Variants in PCYOX1L observed in about 807,000 individuals in gnomAD.
PCYOX1L encodes the protein prenylcysteine oxidase 1-like.
In PCYOX1L, 40 loss-of-function variants were observed where a neutral mutation model predicts 44.1. The ratio of observed to expected loss-of-function variants is 0.91; its 90% CI spans 0.70 to 1.18. The LOEUF is 1.18. Among genes scored for constraint, PCYOX1L ranks in the 50% most tolerant of loss-of-function variants. The pLI, the probability that PCYOX1L is intolerant of heterozygous loss-of-function variation, is 0.00. For synonymous variants in PCYOX1L, 266 were observed against 282.8 expected, an observed-to-expected ratio of 0.94 and a Z score of 0.60; for missense variants, 605 against 653.3, an observed-to-expected ratio of 0.93 and a Z score of 0.81.
In PCYOX1L at chr5:149,368,098, G is replaced by T; in HGVS notation, c.929G>T (p.Ser310Ile). ...IATPLHLDNSSSNLTFAGFHP... is the reference protein window; with the variant it reads ...IATPLHLDNSISNLTFAGFHP... The stretch of plus-strand genomic sequence containing the variant: ...ACCCCCCTGCACCTGGACAACAGCA[G>T]CAGCAACTTAACCTTTGCAGGCTTC... The change falls in exon 6 of 6, where the codon AGC becomes ATC. Residue 310 changes from serine (S) to isoleucine (I), a missense_variant. Coordinates refer to ENST00000274569, the MANE Select transcript of PCYOX1L (RefSeq NM_024028.4). The T allele has an allele frequency of 6.2e-7, 1 of 1,612,326 alleles. No homozygotes were observed. The highest frequency in any genetic ancestry group is 8.5e-7 in the Non-Finnish European group (1 of 1,179,034).
chr5:149,360,061 A>G (rs147937403), intron 1 of PCYOX1L, among the ~76,000 whole-genome samples: 71 of 152,344 alleles, frequency 4.7e-4, no homozygotes, highest in African/African-American at 1.6e-3. Flanking sequence ...TATTTCCCCA[A>G]GAAGGCTGTG....
intron 3 of PCYOX1L, 42 bp downstream of exon 3, chr5:149,364,252 C>CA: frequency 6.2e-7 from 1 of 1,607,490 alleles, no homozygotes; most frequent in African/African-American, 1.3e-5. Context: ...CCAGGGGAAC[C>CA]GAGAAGAGGT....
chr5:149,365,883 GC>G, intron 3 of PCYOX1L, 58 bp from the exon 4 acceptor site: 1 of 1,551,416 alleles, frequency 6.4e-7, no homozygotes, highest in Non-Finnish European at 8.9e-7. Context: ...TAACCCAGGG[GC>G]AGGTGGTCAG....
At chr5:149,366,728 A>G (rs1337810173) in intron 4 of PCYOX1L, among the ~76,000 whole-genome samples, 2 of 152,302 alleles carry the variant, frequency 1.3e-5, no homozygotes, top group East Asian at 3.9e-4. Flanking sequence ...TTACAATAAC[A>G]AGCACCTCCC....
At chr5:149,363,134 C>T (rs1758067963) in intron 2 of PCYOX1L, 2 of 524,568 alleles carry the variant, frequency 3.8e-6, no homozygotes, top group Non-Finnish European at 7.3e-6. Context: ...CATGCTAGTG[C>T]TTGCCAGGCA....
In PCYOX1L at chr5:149,366,069, G is replaced by A. The variant is rs775307182; in HGVS notation, c.598G>A (p.Val200Ile). The A allele has an allele frequency of 4.4e-5, 71 of 1,614,234 alleles. No individual in the cohort carries two copies. In the South Asian group the frequency reaches 5.7e-4, roughly 13 times the overall value. ...SVAESLLQVG[V>I]TQRFIDDVVS... The stretch of plus-strand genomic sequence containing the variant: ...GGCTGAGTCCCTGCTGCAGGTGGGC[G>A]TCACGCAGCGCTTTATTGATGATGT... Residue 200 changes from valine (V) to isoleucine (I), a missense_variant, in exon 4 of 6, where the codon GTC becomes ATC. Transcript: ENST00000274569.
At chr5:149,361,371 GA>G (rs996674813) in intron 1 of PCYOX1L, among the ~76,000 whole-genome samples, 1 of 151,842 alleles carries the variant, frequency 6.6e-6, no homozygotes, top group Non-Finnish European at 1.5e-5. Flanking sequence ...GATCCTGTTT[GA>G]AAAAAAACTG....
chr5:149,364,061 G>A lies in PCYOX1L; in HGVS notation c.321G>A (p.Val107=), dbSNP rs750379727. Residue 107 remains valine (V), a synonymous_variant, in exon 3 of 6, where the codon GTG becomes GTA. Coordinates refer to ENST00000274569, the MANE Select transcript of PCYOX1L (RefSeq NM_024028.4). The part of the protein sequence containing the change: ...LLGLRHRREV[V]GRSAIFGGEH... ...GGCTGAGGCACCGGCGCGAGGTGGT[G>A]GGCAGGAGCGCCATCTTCGGCGGGG... 2 of 1,614,064 alleles carry A rather than the reference G, an allele frequency of 1.2e-6. No individual in the cohort carries two copies. Among genetic ancestry groups the A allele is most frequent in the Non-Finnish European group, 1.7e-6 (2 of 1,179,948 alleles).
Position 149,367,363 on chromosome 5 carries a change from C to G in PCYOX1L, c.686C>G (p.Ala229Gly). The G allele has an allele frequency of 6.2e-7, 1 of 1,610,302 alleles. No individual in the cohort carries two copies. Among genetic ancestry groups the G allele is most frequent in the Non-Finnish European group, 8.5e-7 (1 of 1,178,638 alleles). The stretch of plus-strand genomic sequence containing the variant: ...ACCCACTTCCCGCTTTGCCCAGGAG[C>G]CATGTCACTAGCCGGGGCCCAAGGC... ...QSAAMPAFAG[A>G]MSLAGAQGSL... The change falls in exon 5 of 6, where the codon GCC becomes GGC. Residue 229 changes from alanine to glycine, a missense_variant. Ala to Gly is a moderately conservative substitution (Grantham distance 60, BLOSUM62 0). Coordinates refer to ENST00000274569, the MANE Select transcript of PCYOX1L (RefSeq NM_024028.4).
At chr5:149,367,863 C>A (rs1758271127) in intron 5 of PCYOX1L, 130 bp from the exon 6 acceptor site, 2 of 987,658 alleles carry the variant, frequency 2.0e-6, no homozygotes, top group African/African-American at 3.2e-5. Context: ...GAGGCCAGGA[C>A]CCACCATTTA....
intron 2 of PCYOX1L, 151 bp downstream of exon 2, chr5:149,362,994 A>G (rs1183550442): frequency 4.3e-6 from 4 of 929,056 alleles, no homozygotes; most frequent in Non-Finnish European, 5.1e-6. Flanking sequence ...AGAGAGGGGA[A>G]GGAACTTGCC....
chr5:149,363,612 A>G, intron 2 of PCYOX1L: 1 of 221,872 alleles, frequency 4.5e-6, no homozygotes, highest in Non-Finnish European at 9.1e-6. Context: ...GGGGGTGGGG[A>G]AGGAACAAGT....
In PCYOX1L at chr5:149,368,395, C is replaced by T. The variant is rs757635470; in HGVS notation, c.1226C>T (p.Thr409Ile). ...PKPLFRTQLKTLFRSYYSVQT... is the reference protein window; with the variant it reads ...PKPLFRTQLKILFRSYYSVQT... ...CCCCTCTTTCGGACCCAGCTAAAGA[C>T]CCTGTTCCGTTCCTATTACTCAGTG... Residue 409 changes from threonine (T) to isoleucine (I), a missense_variant, in exon 6 of 6, where the codon ACC (threonine) becomes ATC (isoleucine). Physicochemically the swap from Thr to Ile is moderately conservative, Grantham distance 89. Transcript: ENST00000274569. The T allele has an allele frequency of 6.2e-7, 1 of 1,614,178 alleles. No homozygotes were observed. The highest frequency in any genetic ancestry group is 1.1e-5 in the South Asian group (1 of 91,078).
At position 149,362,811 on chromosome 5, in the gene PCYOX1L, G is replaced by C. The variant is rs1359739704; in HGVS notation, c.263G>C (p.Ser88Thr). The C allele has an allele frequency of 6.2e-7, 1 of 1,613,966 alleles. No homozygotes were observed. The highest frequency in any genetic ancestry group is 1.1e-5 in the South Asian group (1 of 91,086). ...GGGGCTGCCTCCTTCCACTCCCTGA[G>C]CCTGCACATGCAGGACTTCGTCAAG... is the stretch of plus-strand genomic sequence containing the variant. ...ESGAASFHSL[S>T]LHMQDFVKLL... The change falls in exon 2 of 6, where the codon AGC (serine) becomes ACC (threonine). Residue 88 changes from serine (S) to threonine (T), a missense_variant. By Grantham distance (58) the Ser-to-Thr change is moderately conservative. Transcript: ENST00000274569.
Position 149,362,800 on chromosome 5 carries a change from C to G in PCYOX1L, c.252C>G (p.Phe84Leu), listed in dbSNP as rs1413965868. The G allele has an allele frequency of 6.2e-7, 1 of 1,614,142 alleles. No individual in the cohort carries two copies. The highest frequency in any genetic ancestry group is 8.5e-7 in the Non-Finnish European group (1 of 1,180,048). Residue 84 changes from phenylalanine (F) to leucine (L), a missense_variant, in exon 2 of 6, where the codon TTC becomes TTG. Transcript: ENST00000274569. ...KQHYESGAAS[F>L]HSLSLHMQDF... is the part of the protein sequence containing the mutation. ...ACTATGAGAGCGGGGCTGCCTCCTT[C>G]CACTCCCTGAGCCTGCACATGCAGG... is the stretch of plus-strand genomic sequence containing the variant.
Position 149,366,086 on chromosome 5 carries a change from T to A in PCYOX1L, c.615T>A (p.Ile205=). The stretch of plus-strand genomic sequence containing the variant: ...AGGTGGGCGTCACGCAGCGCTTTAT[T>A]GATGATGTCGTTTCTGCTGTCCTGC... ...LLQVGVTQRF[I]DDVVSAVLRA... is the part of the protein sequence containing the mutation. Residue 205 remains isoleucine, a synonymous_variant, in exon 4 of 6, where the codon ATT becomes ATA. Transcript: ENST00000274569. 1 of 1,614,188 alleles carries A rather than the reference T, an allele frequency of 6.2e-7. No homozygotes were observed. Among genetic ancestry groups the A allele is most frequent in the Non-Finnish European group, 8.5e-7 (1 of 1,180,046 alleles).
chr5:149,367,428 T>TC lies in PCYOX1L; in HGVS notation c.753dup (p.Gly252ArgfsTer34), dbSNP rs751855957. On this transcript the variant is annotated frameshift_variant, in exon 5 of 6. Coordinates refer to ENST00000274569, the MANE Select transcript of PCYOX1L (RefSeq NM_024028.4). LOFTEE classifies it high-confidence loss of function. The stretch of plus-strand genomic sequence containing the variant: ...GGAAGGAGGCAATAAGCTGGTTTGT[T>TC]CCGGTTTGCTGAAGCTCACCAAGGC... 10 of 1,613,816 alleles carry TC rather than the reference T, an allele frequency of 6.2e-6. No individual in the cohort carries two copies. The highest frequency in any genetic ancestry group is 8.5e-6 in the Non-Finnish European group (10 of 1,179,912).
Position 149,364,037 on chromosome 5 carries a change from G to T in PCYOX1L, c.297G>T (p.Gly99=), listed in dbSNP as rs1429445224. The T allele has an allele frequency of 6.2e-7, 1 of 1,613,822 alleles. No individual in the cohort carries two copies. The highest frequency in any genetic ancestry group is 1.7e-5 in the Admixed American group (1 of 60,028). The change falls in exon 3 of 6, where the codon GGG becomes GGT. Residue 99 remains glycine (G), a splice_region_variant and synonymous_variant. Transcript: ENST00000274569. ...AGGGGCTCCTCTTTGTCTCTGCAGG[G>T]CTGAGGCACCGGCGCGAGGTGGTGG... ...LHMQDFVKLL[G]LRHRREVVGR...
chr5:149,363,897 A>G (rs1415975807), intron 2 of PCYOX1L, 139 bp from the exon 3 acceptor site: 2 of 853,734 alleles, frequency 2.3e-6, no homozygotes, highest in South Asian at 4.5e-5. Context: ...TTCCCAGTGC[A>G]TCTGTTTACT....
Sources: allele counts gnomAD v4.1 joint callset (sites outside exome capture counted in the v4.1 genomes callset), GRCh38; gene constraint gnomAD v4.1.1; transcripts MANE v1.5; gene names NCBI Gene and HGNC (gene_info 2026-07-23, HGNC 2026-07-21).